Variants in VASH1 observed in about 807,000 individuals in gnomAD.
VASH1 encodes the protein tubulinyl-Tyr carboxypeptidase 1.
VASH1 carries 16 observed loss-of-function variants against 35.0 expected under a neutral mutation model. That is an observed-to-expected ratio of 0.46 (90% CI 0.31 to 0.70). The LOEUF (loss-of-function observed/expected upper bound fraction) is 0.70, where lower values mean the gene tolerates loss of function less well. Ranked by LOEUF, VASH1 falls within the 30% of genes least tolerant of loss-of-function variation. The pLI is 0.05. For synonymous variants in VASH1, 214 were observed against 200.9 expected (o/e 1.07, Z -0.55); for missense variants, 505 against 510.7 (o/e 0.99, Z 0.11).
chr14:76,778,888 C>A, intron 6 of VASH1, 58 bp from the exon 7 acceptor site: 2 of 1,567,604 alleles, frequency 1.3e-6, no homozygotes, highest in Non-Finnish European at 1.8e-6. Flanking sequence ...GGCTCCCCAA[C>A]TCCATCTCCC....
At chr14:76,778,827 T>TG (rs1894019383) in intron 6 of VASH1, 119 bp from the exon 7 acceptor site, 1 of 982,762 alleles carries the variant, frequency 1.0e-6, no homozygotes. Flanking sequence ...TGCTGTGCGT[T>TG]GGAGGGCCAC....
chr14:76,762,876 TCCGCTGCGGCCACCGCCC>T lies in VASH1; in HGVS notation c.58_75del (p.Ala20_Pro25del). ...TGGCAGCAGCGGTGCCACTCCAACG[TCCGCTGCGGCCACCGCCC>T]CCTCTGGGGTCAGGCGTTTGGAGAC... On this transcript the variant is annotated inframe_deletion, in exon 1 of 7. Transcript: ENST00000167106. The T allele has an allele frequency of 6.5e-7, 1 of 1,545,450 alleles. No homozygotes were observed. Among genetic ancestry groups the T allele is most frequent in the Non-Finnish European group, 8.7e-7 (1 of 1,145,148 alleles).
At position 76,781,828 on chromosome 14, in the gene VASH1, C is replaced by A; in HGVS notation, c.*2810C>A. 1 of 153,202 alleles carries A rather than the reference C, an allele frequency of 6.5e-6. No individual in the cohort carries two copies. The highest frequency in any genetic ancestry group is 1.5e-5 in the Non-Finnish European group (1 of 68,418). The allele number at this position is 153,202 out of a possible 1,614,324, so 9.5% of individuals were successfully genotyped here. A position where few individuals can be genotyped will look rare whatever the true frequency, so the allele number is the denominator to read the frequency against. On this transcript the variant is annotated 3_prime_UTR_variant, in exon 7 of 7. Coordinates refer to ENST00000167106, the MANE Select transcript of VASH1 (RefSeq NM_014909.5). Reference sequence around the variant, plus strand: ...GTTTACACAGGCTCTGCTCTGGGGGCTGGCCTGGCTGTGAGGTTTCTGGGG... The same window carrying A: ...GTTTACACAGGCTCTGCTCTGGGGGATGGCCTGGCTGTGAGGTTTCTGGGG...
At position 76,776,156 on chromosome 14, in the gene VASH1, C is replaced by A. The variant is rs558923372; in HGVS notation, c.795C>A (p.His265Gln). 1.2e-6 allele frequency: 2 copies of A among 1,610,506 alleles called. No homozygotes were observed. Among genetic ancestry groups the A allele is most frequent in the Non-Finnish European group, 1.7e-6 (2 of 1,179,772 alleles). The change falls in exon 5 of 7, where the codon CAC (histidine) becomes CAA (glutamine). Residue 265 changes from histidine to glutamine, a missense_variant. By Grantham distance (24) the His-to-Gln change is conservative. Coordinates refer to ENST00000167106, the MANE Select transcript of VASH1 (RefSeq NM_014909.5). The part of the protein sequence containing the change: ...KKVKLGQSVS[H>Q]DPHSVEQIEW... ...TGAAGCTGGGCCAGAGCGTGTCACACGACCCGCACAGCGTGGAGCAGATCG... is the reference window on the plus strand; with the variant it reads ...TGAAGCTGGGCCAGAGCGTGTCACAAGACCCGCACAGCGTGGAGCAGATCG...
intron 1 of VASH1, among the ~76,000 whole-genome samples, chr14:76,764,143 G>A (rs1893579956): frequency 6.6e-6 from 1 of 152,218 alleles, no homozygotes; most frequent in Non-Finnish European, 1.5e-5. Flanking sequence ...GAAGGAAGGG[G>A]GCTAGGAAGA....
intron 4 of VASH1, 22 bp from the exon 5 acceptor site, chr14:76,775,870 T>C: frequency 6.5e-7 from 1 of 1,533,034 alleles, no homozygotes. Context: ...CCTGGCTCTT[T>C]CCTTAGCGGG....
chr14:76,778,484 TCTC>T (rs1037102696), intron 6 of VASH1, among the ~76,000 whole-genome samples: 3 of 152,108 alleles, frequency 2.0e-5, no homozygotes, highest in Non-Finnish European at 2.9e-5. Flanking sequence ...AAATACCAGC[TCTC>T]CTCCTCTGAT....
At chr14:76,763,217 G>T (rs1893552873) in intron 1 of VASH1, 87 bp downstream of exon 1, 1 of 1,276,590 alleles carries the variant, frequency 7.8e-7, no homozygotes, top group Non-Finnish European at 1.0e-6. Flanking sequence ...CTCCTCCCAC[G>T]GGGCAGGGGA....
chr14:76,779,121 G>A lies in VASH1; in HGVS notation c.*103G>A. The stretch of plus-strand genomic sequence containing the variant: ...GAAGGCGGGGCTGGTGACAAGGCAG[G>A]GCAAGAGGCTGCAGGAAGAGTGTGT... On this transcript the variant is annotated 3_prime_UTR_variant, in exon 7 of 7. Coordinates refer to ENST00000167106, the MANE Select transcript of VASH1 (RefSeq NM_014909.5). 3 of 1,275,960 alleles carry A rather than the reference G, an allele frequency of 2.4e-6. No homozygotes were observed. The highest frequency in any genetic ancestry group is 1.2e-5 in the South Asian group (1 of 83,742). The allele number at this position is 1,275,960 out of a possible 1,614,324, so 79.0% of individuals were successfully genotyped here. A position where few individuals can be genotyped will look rare whatever the true frequency, so the allele number is the denominator to read the frequency against.
chr14:76,776,019 A>G lies in VASH1; in HGVS notation c.658A>G (p.Met220Val). The stretch of plus-strand genomic sequence containing the variant: ...CGCGGGCCGCTACGGTGCGCTGGGC[A>G]TGAGTCGGCGCGAGGACCTGATGTA... ...NFAGRYGALG[M>V]SRREDLMYKP... The change falls in exon 5 of 7, where the codon ATG becomes GTG. Residue 220 changes from methionine (M) to valine (V), a missense_variant. Physicochemically the swap from Met to Val is conservative, Grantham distance 21. Coordinates refer to ENST00000167106, the MANE Select transcript of VASH1 (RefSeq NM_014909.5). 1.2e-6 allele frequency: 2 copies of G among 1,612,866 alleles called. No individual in the cohort carries two copies. Among genetic ancestry groups the G allele is most frequent in the Non-Finnish European group, 1.7e-6 (2 of 1,179,834 alleles).
intron 1 of VASH1, chr14:76,769,433 G>A: frequency 7.8e-7 from 1 of 1,289,098 alleles, no homozygotes; most frequent in Non-Finnish European, 1.0e-6. Flanking sequence ...AGTTCAAGTT[G>A]GTGCTCTGGA....
chr14:76,779,920 T>G lies in VASH1; in HGVS notation c.*902T>G, dbSNP rs1894057620. 2 of 227,294 alleles carry G rather than the reference T, an allele frequency of 8.8e-6. No homozygotes were observed. The highest frequency in any genetic ancestry group is 1.7e-5 in the Non-Finnish European group (2 of 115,176). The allele number at this position is 227,294 out of a possible 1,614,324, so 14.1% of individuals were successfully genotyped here. A position where few individuals can be genotyped will look rare whatever the true frequency, so the allele number is the denominator to read the frequency against. On this transcript the variant is annotated 3_prime_UTR_variant, in exon 7 of 7. Coordinates refer to ENST00000167106, the MANE Select transcript of VASH1 (RefSeq NM_014909.5). ...ACATGGGGTGATGGGGCGGGATGCT[T>G]GGGCCTGGGTCTCTCCGCCAGCAGT...
chr14:76,761,993 G>A lies in VASH1; in HGVS notation c.-829G>A, dbSNP rs920413066. On this transcript the variant is annotated 5_prime_UTR_variant, in exon 1 of 7. Transcript: ENST00000167106. ...GGCGCCAGGTGCCAGCCGTCCTCCCGCTGAGACGCGCCCGAGTGGGGACCC... is the reference window on the plus strand; with the variant it reads ...GGCGCCAGGTGCCAGCCGTCCTCCCACTGAGACGCGCCCGAGTGGGGACCC... 6.6e-6 allele frequency among the ~76,000 whole-genome samples: 1 copy of A among 152,084 alleles called. No individual in the cohort carries two copies. The highest frequency in any genetic ancestry group is 1.5e-5 in the Non-Finnish European group (1 of 67,976).
In VASH1 at chr14:76,762,568, T is replaced by C. The variant is rs948846141; in HGVS notation, c.-254T>C. The C allele has an allele frequency of 2.7e-6, 1 of 363,744 alleles. No homozygotes were observed. Among genetic ancestry groups the C allele is most frequent in the Non-Finnish European group, 5.0e-6 (1 of 199,114 alleles). 22.5% of individuals were successfully genotyped at this position (363,744 alleles called of 1,614,324 possible). ...TGACGGCTGCCAAGTTGGGGTGTGT[T>C]CTCTTTATTCCGTTTTTCAAACAGA... On this transcript the variant is annotated 5_prime_UTR_variant, in exon 1 of 7. Coordinates refer to ENST00000167106, the MANE Select transcript of VASH1 (RefSeq NM_014909.5).
chr14:76,772,689 C>T (rs753756466), intron 3 of VASH1, among the ~76,000 whole-genome samples: 1 of 152,248 alleles, frequency 6.6e-6, no homozygotes, highest in Non-Finnish European at 1.5e-5. Flanking sequence ...AGTCAATTAA[C>T]AAGCTCCTGG....
Position 76,761,488 on chromosome 14 carries a change from G to C in VASH1, c.-1334G>C, listed in dbSNP as rs1412988271. The C allele has an allele frequency of 6.5e-6, 1 of 152,810 alleles. No homozygotes were observed. Among genetic ancestry groups the C allele is most frequent in the Non-Finnish European group, 1.5e-5 (1 of 68,120 alleles). 9.5% of individuals were successfully genotyped at this position (152,810 alleles called of 1,614,324 possible). A position where few individuals can be genotyped will look rare whatever the true frequency, so the allele number is the denominator to read the frequency against. ...GCGGCGCGGGCCGTAGTCGAGCCTG[G>C]TGGGCGGCTGGCTGGCAGGGGACGT... On this transcript the variant is annotated 5_prime_UTR_variant, in exon 1 of 7. Transcript: ENST00000167106.
At chr14:76,767,200 G>C (rs1036801585) in intron 1 of VASH1, among the ~76,000 whole-genome samples, 1 of 151,744 alleles carries the variant, frequency 6.6e-6, no homozygotes, top group Admixed American at 6.6e-5. Context: ...AGCCGAAGTT[G>C]AGCCACTGCA....
chr14:76,773,153 A>C lies in VASH1; in HGVS notation c.472A>C (p.Lys158Gln). The change falls in exon 4 of 7, where the codon AAG (lysine) becomes CAG (glutamine). Residue 158 changes from lysine (K) to glutamine (Q), a missense_variant. Coordinates refer to ENST00000167106, the MANE Select transcript of VASH1 (RefSeq NM_014909.5). ...TTCCCACAGGCTGATGGACCTGGCC[A>C]AGGAAATGACCAAAGAGGCCCTGCC... ...RPLTGLMDLA[K>Q]EMTKEALPIK... is the part of the protein sequence containing the mutation. The C allele has an allele frequency of 6.2e-7, 1 of 1,614,034 alleles. No homozygotes were observed. The highest frequency in any genetic ancestry group is 1.7e-5 in the Admixed American group (1 of 60,026).
rs1893526665 is a variant in VASH1 at position 76,762,353 on chromosome 14, T to C, written c.-469T>C. ...GCGCGCAGATGTGAGCGTGCGAGAG[T>C]TGTGTAGGGGATTTTGTTCCCTCCG... On this transcript the variant is annotated 5_prime_UTR_variant, in exon 1 of 7. Coordinates refer to ENST00000167106, the MANE Select transcript of VASH1 (RefSeq NM_014909.5). The C allele has an allele frequency of 6.6e-6, 1 of 152,584 alleles. No homozygotes were observed. The highest frequency in any genetic ancestry group is 2.4e-5 in the African/African-American group (1 of 41,404). 9.5% of individuals were successfully genotyped at this position (152,584 alleles called of 1,614,324 possible). A position where few individuals can be genotyped will look rare whatever the true frequency, so the allele number is the denominator to read the frequency against.
Sources: allele counts gnomAD v4.1 joint callset (sites outside exome capture counted in the v4.1 genomes callset), GRCh38; gene constraint gnomAD v4.1.1; transcripts MANE v1.5; gene names NCBI Gene and HGNC (gene_info 2026-07-23, HGNC 2026-07-21).